The following CPED1 variants were observed in gnomAD, a reference collection of about 807,000 sequenced individuals.
CPED1 encodes the protein cadherin-like and PC-esterase domain-containing protein 1.
Under a neutral mutation model 128.2 loss-of-function variants are expected in CPED1, and 114 were observed. The ratio of observed to expected loss-of-function variants is 0.89; its 90% CI spans 0.76 to 1.04. CPED1 has a LOEUF of 1.04. Ranked by LOEUF, CPED1 falls within the 50% of genes least tolerant of loss-of-function variation. CPED1 has a pLI of 0.00. For synonymous variants in CPED1, 462 were observed against 426.7 expected (o/e 1.08, Z -1.02); for missense variants, 1,211 against 1,207.1 (o/e 1.00, Z -0.05).
At chr7:121,183,529 G>C (rs1249332344) in intron 16 of CPED1, among the ~76,000 whole-genome samples, 1 of 152,178 alleles carries the variant, frequency 6.6e-6, no homozygotes, top group Non-Finnish European at 1.5e-5. Flanking sequence ...TTAAGGTACA[G>C]ATTTTGTTTC....
At position 121,293,653 on chromosome 7, in the gene CPED1, TCTC is replaced by T. The variant is rs551681467; in HGVS notation, c.2869-1784_2869-1782del. On this transcript the variant is annotated intron_variant, in intron 22 of 22. Coordinates refer to ENST00000310396, the MANE Select transcript of CPED1 (RefSeq NM_024913.5). ...CTGGTGGCGTCGGCACCCAAGGGAA[TCTC>T]CTGGTCTGCGGGTTGCGAAGACTGG... Among the ~76,000 whole-genome samples the T allele has an allele frequency of 4.2e-4, 64 of 152,250 alleles. 1 individual carries two copies. Among genetic ancestry groups the T allele is most frequent in the African/African-American group, 1.5e-3 (62 of 41,558 alleles).
In CPED1 at chr7:121,297,106, C is replaced by G. The variant is rs1792837922; in HGVS notation, c.*1454C>G. 6.6e-6 allele frequency: 1 copy of G among 151,936 alleles called. No individual in the cohort carries two copies. The highest frequency in any genetic ancestry group is 2.4e-5 in the African/African-American group (1 of 41,402). The allele number at this position is 151,936 out of a possible 1,614,324, so 9.4% of individuals were successfully genotyped here. On this transcript the variant is annotated 3_prime_UTR_variant, in exon 23 of 23. Transcript: ENST00000310396. Reference sequence around the variant, plus strand: ...ACTTGATATAAACAATACAAATCTGCATCTTACAGATGATAATTTTTTTAG... The same window carrying G: ...ACTTGATATAAACAATACAAATCTGGATCTTACAGATGATAATTTTTTTAG...
chr7:121,191,105 A>G (rs1188213146), intron 16 of CPED1, among the ~76,000 whole-genome samples: 2 of 152,148 alleles, frequency 1.3e-5, no homozygotes, highest in Non-Finnish European at 2.9e-5. Context: ...TGGAATGAGG[A>G]AAATGTTCCA....
intron 16 of CPED1, among the ~76,000 whole-genome samples, chr7:121,153,260 C>G (rs575190503): frequency 3.9e-4 from 60 of 152,274 alleles, no homozygotes; most frequent in Admixed American, 1.2e-3. Context: ...AGACGGTAAA[C>G]TTGTTCATAT....
Position 121,244,357 on chromosome 7 carries a change from G to T in CPED1, c.2310+19G>T. ...AAGGAAGGTAGGTTCTGGATCTAGT[G>T]GGGGAAGCCTTTAATGTATGCCACC... On this transcript the variant is annotated intron_variant, in intron 18 of 22. Transcript: ENST00000310396. The T allele has an allele frequency of 1.9e-6, 3 of 1,613,748 alleles. No individual in the cohort carries two copies. Among genetic ancestry groups the T allele is most frequent in the Non-Finnish European group, 2.5e-6 (3 of 1,179,844 alleles).
intron 18 of CPED1, among the ~76,000 whole-genome samples, chr7:121,253,272 T>C (rs1308198594): frequency 2.4e-5 from 3 of 125,360 alleles, no homozygotes; most frequent in African/African-American, 6.3e-5. Context: ...TGAGAACATA[T>C]GGACACAGGA....
At chr7:121,097,984 C>T (rs1794742026) in intron 6 of CPED1, among the ~76,000 whole-genome samples, 153 bp downstream of exon 6, 1 of 152,080 alleles carries the variant, frequency 6.6e-6, no homozygotes, top group Admixed American at 6.6e-5. Flanking sequence ...ATAAAGAATG[C>T]CATCATTGAC....
At chr7:121,089,385 G>A (rs956832014) in intron 5 of CPED1, among the ~76,000 whole-genome samples, 3 of 152,064 alleles carry the variant, frequency 2.0e-5, no homozygotes, top group African/African-American at 7.2e-5. Flanking sequence ...AAATTAACAG[G>A]AATATTGTGT....
intron 3 of CPED1, among the ~76,000 whole-genome samples, chr7:121,026,827 CTTTTTTTTTT>C (rs71170219): frequency 1.2e-5 from 1 of 83,472 alleles, no homozygotes; most frequent in Admixed American, 1.6e-4. Context: ...CCTGTCAGTT[CTTTTTTTTTT>C]TTTTTTTTTT....
At chr7:121,190,270 A>G (rs1797104401) in intron 16 of CPED1, among the ~76,000 whole-genome samples, 1 of 151,932 alleles carries the variant, frequency 6.6e-6, no homozygotes, top group African/African-American at 2.4e-5. Context: ...CAGTGAGTGC[A>G]AAAGCCCTGG....
chr7:121,208,111 C>T (rs572420617), intron 16 of CPED1, among the ~76,000 whole-genome samples: 1 of 151,980 alleles, frequency 6.6e-6, no homozygotes, highest in Admixed American at 6.6e-5. Context: ...ATAGCCCACC[C>T]CACCCCCATC....
chr7:121,176,352 C>T (rs185827447), intron 16 of CPED1, among the ~76,000 whole-genome samples: 16 of 151,870 alleles, frequency 1.1e-4, no homozygotes, highest in Non-Finnish European at 5.9e-5. Context: ...CTATTTCTTT[C>T]TCACTATTTC....
Position 121,225,263 on chromosome 7 carries a change from G to T in CPED1, c.2056-11451G>T, listed in dbSNP as rs528790068. On this transcript the variant is annotated intron_variant, in intron 16 of 22. Transcript: ENST00000310396. ...AGTTTGACTGGATATGAAATTCTGG[G>T]TTGCAAATTCTTTTCTTTAAGAATG... Among the ~76,000 whole-genome samples, 5 of 152,204 alleles carry T rather than the reference G, an allele frequency of 3.3e-5. No homozygotes were observed. In the East Asian group the frequency reaches 7.8e-4, roughly 24 times the overall value.
Position 120,989,723 on chromosome 7 carries a change from C to T in CPED1, c.102C>T (p.Thr34=). 6.2e-7 allele frequency: 1 copy of T among 1,613,828 alleles called. No individual in the cohort carries two copies. The highest frequency in any genetic ancestry group is 2.2e-5 in the East Asian group (1 of 44,856). The change falls in exon 2 of 23, where the codon ACC becomes ACT. Residue 34 remains threonine (T), a synonymous_variant. Transcript: ENST00000310396. ...VAICLFYQTL[T]LRGSRKLTAA... is the part of the protein sequence containing the mutation. ...TCTGTCTCTTCTACCAGACTCTGAC[C>T]CTCCGAGGGTCGAGGAAGCTCACAG... is the stretch of plus-strand genomic sequence containing the variant.
intron 5 of CPED1, among the ~76,000 whole-genome samples, chr7:121,085,962 G>A (rs1177926150): frequency 4.6e-5 from 7 of 152,128 alleles, no homozygotes; most frequent in African/African-American, 1.4e-4. Flanking sequence ...ATATAAAGCC[G>A]TAACTATTTA....
chr7:121,136,957 T>G (rs1000359084), intron 14 of CPED1, among the ~76,000 whole-genome samples: 9 of 151,958 alleles, frequency 5.9e-5, no homozygotes, highest in African/African-American at 1.9e-4. Flanking sequence ...TATAATATAG[T>G]GTAGAAAAAT....
intron 2 of CPED1, among the ~76,000 whole-genome samples, chr7:121,012,582 C>G (rs149971977): frequency 2.0e-4 from 31 of 152,316 alleles, no homozygotes; most frequent in African/African-American, 7.2e-4. Flanking sequence ...CATAATTGTT[C>G]ACATCGTTTT....
chr7:121,218,392 C>T (rs1797807097), intron 16 of CPED1, among the ~76,000 whole-genome samples: 1 of 151,960 alleles, frequency 6.6e-6, no homozygotes. Context: ...TTAGTAGTGC[C>T]ACTCAAGCAT....
chr7:121,098,797 T>C (rs7456215), intron 6 of CPED1, among the ~76,000 whole-genome samples: 5 of 143,114 alleles, frequency 3.5e-5, no homozygotes, highest in African/African-American at 1.3e-4. Context: ...TATAAAAATA[T>C]ATATAAATAT....
Sources: gnomAD v4.1 joint callset for allele counts (sites outside exome capture counted in the v4.1 genomes callset) on GRCh38, gnomAD v4.1.1 for gene constraint, MANE v1.5 for transcripts, NCBI Gene and HGNC (gene_info 2026-07-23, HGNC 2026-07-21) for gene names.